ZNF385D: variants seen among roughly 807,000 people sequenced by gnomAD.
ZNF385D encodes the protein zinc finger protein 659.
A neutral mutation model predicts 35.8 loss-of-function variants in ZNF385D; 15 were observed. That is an observed-to-expected ratio of 0.42 (90% CI 0.28 to 0.64). The LOEUF is 0.64. Ranked by LOEUF, ZNF385D falls within the 30% of genes least tolerant of loss-of-function variation. The probability of loss-of-function intolerance (pLI) is 0.23; values close to 1 mark genes in which losing one functional copy is unlikely to be tolerated. For missense variants in ZNF385D, 474 were observed against 494.6 expected (o/e 0.96, Z 0.39); for synonymous variants, 212 against 186.8 (o/e 1.13, Z -1.10).
chr3:21,979,160 T>G (rs1350984865), intron 3 of ZNF385D, among the ~76,000 whole-genome samples: 1 of 151,990 alleles, frequency 6.6e-6, no homozygotes, highest in Non-Finnish European at 1.5e-5. Context: ...GCCTGTAGAA[T>G]AGTCTGGGCT....
At chr3:22,366,259 C>G (rs114411159) in intron 2 of ZNF385D, among the ~76,000 whole-genome samples, 1,567 of 152,154 alleles carry the variant, frequency 0.01, 23 homozygotes, top group African/African-American at 0.035. Flanking sequence ...TACAAGTACT[C>G]AATACTAATA....
chr3:21,674,225 C>A (rs192122466), intron 1 of ZNF385D, among the ~76,000 whole-genome samples: 1 of 152,096 alleles, frequency 6.6e-6, no homozygotes, highest in East Asian at 1.9e-4. Flanking sequence ...TTTTGGTGAC[C>A]TTTACGAGCC....
At chr3:21,601,677 T>G (rs371942186) in intron 2 of ZNF385D, among the ~76,000 whole-genome samples, 2 of 152,348 alleles carry the variant, frequency 1.3e-5, no homozygotes, top group Middle Eastern at 6.8e-3. Flanking sequence ...ACACTTCTCT[T>G]GCTCACAAAC....
chr3:21,964,737 C>G (rs1397020665), intron 3 of ZNF385D, among the ~76,000 whole-genome samples: 3 of 151,510 alleles, frequency 2.0e-5, no homozygotes, highest in Admixed American at 2.0e-4. Flanking sequence ...GGTGATCCAC[C>G]TGCCTCGACC....
intron 2 of ZNF385D, among the ~76,000 whole-genome samples, chr3:22,274,425 G>A (rs1434121020): frequency 1.3e-5 from 2 of 151,798 alleles, no homozygotes; most frequent in African/African-American, 4.8e-5. Context: ...AATAATTATT[G>A]AGACAATAAG....
intron 3 of ZNF385D, among the ~76,000 whole-genome samples, chr3:22,105,744 C>T (rs546476650): frequency 6.6e-6 from 1 of 152,210 alleles, no homozygotes; most frequent in South Asian, 2.1e-4. Flanking sequence ...GTGATGCCTA[C>T]CAACATTGGG....
chr3:22,283,668 G>T (rs540650628), intron 2 of ZNF385D, among the ~76,000 whole-genome samples: 1 of 152,226 alleles, frequency 6.6e-6, no homozygotes, highest in African/African-American at 2.4e-5. Context: ...GAAATCACGG[G>T]TAATAGTAAC....
intron 3 of ZNF385D, among the ~76,000 whole-genome samples, chr3:22,028,423 G>A (rs1433027871): frequency 1.3e-5 from 2 of 152,160 alleles, no homozygotes; most frequent in African/African-American, 4.8e-5. Context: ...AGGCTGACCT[G>A]GTTATGGCCA....
intron 3 of ZNF385D, among the ~76,000 whole-genome samples, chr3:22,160,606 C>CA (rs1159772694): frequency 1.3e-5 from 2 of 152,024 alleles, no homozygotes; most frequent in Non-Finnish European, 2.9e-5. Flanking sequence ...AATTAAAATT[C>CA]TATTTAGCTT....
chr3:22,138,538 A>G (rs1200958885), intron 3 of ZNF385D, among the ~76,000 whole-genome samples: 1 of 151,602 alleles, frequency 6.6e-6, no homozygotes, highest in Non-Finnish European at 1.5e-5. Context: ...CTGATCTTTG[A>G]CAAACCTGAC....
rs567118453 is a variant in ZNF385D, at chr3:22,239,427, G to A, written c.107-70392C>T. Among the ~76,000 whole-genome samples the A allele has an allele frequency of 7.3e-4, 111 of 151,114 alleles. 5 individuals are homozygous for A. Among genetic ancestry groups the A allele is most frequent in the Non-Finnish European group, 1.3e-3 (88 of 67,970 alleles). ...GTGTCCTAAGCCAAAATCTGAAATA[G>A]TGAGGGGAAAATTCAAGTTTAAAAC... On this transcript the variant is annotated intron_variant, in intron 2 of 5. Transcript: ENST00000494108.
intron 4 of ZNF385D, among the ~76,000 whole-genome samples, chr3:21,457,956 T>C (rs1702922005): frequency 6.6e-6 from 1 of 152,192 alleles, no homozygotes; most frequent in Non-Finnish European, 1.5e-5. Context: ...GCCCTTGTTT[T>C]ATCATTATTA....
chr3:21,471,284 C>CTT, intron 4 of ZNF385D, among the ~76,000 whole-genome samples: 1 of 24,172 alleles, frequency 4.1e-5, no homozygotes, highest in African/African-American at 1.2e-4. Flanking sequence ...TTCTCTCTCT[C>CTT]TCTCTCTCTC....
intron 3 of ZNF385D, among the ~76,000 whole-genome samples, chr3:22,102,118 C>A (rs1028453149): frequency 1.3e-5 from 2 of 151,780 alleles, no homozygotes; most frequent in African/African-American, 4.8e-5. Flanking sequence ...ACTCAAAATG[C>A]CCTTGGATTG....
At chr3:21,907,106 T>C (rs1247846886) in intron 3 of ZNF385D, among the ~76,000 whole-genome samples, 2 of 152,186 alleles carry the variant, frequency 1.3e-5, no homozygotes. Flanking sequence ...TCATCGAGAA[T>C]GTTTATTAGA....
At chr3:22,199,310 G>A (rs1696628235) in intron 2 of ZNF385D, among the ~76,000 whole-genome samples, 1 of 152,072 alleles carries the variant, frequency 6.6e-6, no homozygotes, top group Middle Eastern at 3.2e-3. Context: ...AGGAAATGCA[G>A]AAGTTAAAAA....
intron 3 of ZNF385D, among the ~76,000 whole-genome samples, chr3:21,549,100 C>T (rs1301178651): frequency 2.0e-5 from 3 of 152,110 alleles, no homozygotes; most frequent in Non-Finnish European, 4.4e-5. Flanking sequence ...TATTCAAGGT[C>T]AGATTTTCCA....
At chr3:21,705,430 C>CA (rs1352741885) in intron 1 of ZNF385D, among the ~76,000 whole-genome samples, 1 of 152,120 alleles carries the variant, frequency 6.6e-6, no homozygotes, top group African/African-American at 2.4e-5. Context: ...GAGCATGAGA[C>CA]AAAACTGCAA....
chr3:21,592,542 GC>G (rs1559440230), intron 2 of ZNF385D, among the ~76,000 whole-genome samples: 7 of 56,070 alleles, frequency 1.2e-4, no homozygotes, highest in East Asian at 7.0e-4. Context: ...TGTCTTCATG[GC>G]AAAAAAAAAA....
Sources: allele counts gnomAD v4.1 joint callset (sites outside exome capture counted in the v4.1 genomes callset), GRCh38; gene constraint gnomAD v4.1.1; transcripts MANE v1.5; gene names NCBI Gene and HGNC (gene_info 2026-07-23, HGNC 2026-07-21).